DAGLB: variants seen among roughly 807,000 people sequenced by gnomAD.
DAGLB encodes diacylglycerol lipase beta.
DAGLB carries 66 observed loss-of-function variants against 72.1 expected under a neutral mutation model. The observed-to-expected ratio is 0.92, with a 90% CI of 0.75 to 1.12. DAGLB has a LOEUF of 1.12. Among genes scored for constraint, DAGLB ranks in the 50% most tolerant of loss-of-function variants. The probability of loss-of-function intolerance (pLI) is 0.00; values close to 1 mark genes in which losing one functional copy is unlikely to be tolerated. For synonymous variants in DAGLB, 414 were observed against 359.5 expected (o/e 1.15, Z -1.71); for missense variants, 1,065 against 884.9 (o/e 1.20, Z -2.58).
chr7:6,417,034 G>A, intron 9 of DAGLB, 113 bp from the exon 10 acceptor site: 1 of 1,247,900 alleles, frequency 8.0e-7, no homozygotes, highest in Admixed American at 1.9e-5. Flanking sequence ...CCTGGGATCT[G>A]AGACTGCAGA....
intron 9 of DAGLB, among the ~76,000 whole-genome samples, chr7:6,420,538 A>T (rs1312278223): frequency 1.3e-5 from 2 of 152,156 alleles, no homozygotes; most frequent in Non-Finnish European, 2.9e-5. Flanking sequence ...TATAGAGACA[A>T]AGTAGAACAG....
chr7:6,411,434 C>CAA (rs1783725169), intron 13 of DAGLB, among the ~76,000 whole-genome samples: 1 of 152,178 alleles, frequency 6.6e-6, no homozygotes. Context: ...CCAGCCTGGG[C>CAA]AACATGGTAA....
rs1783945085 is a variant in DAGLB, at chr7:6,417,152, T to A, written c.1219-231A>T. ...GGCGCACGCTTGTAATCCCAGCACT[T>A]AGGGAGGCCAAGGCAGGAGGACACT... On this transcript the variant is annotated intron_variant, in intron 9 of 14. Coordinates refer to ENST00000297056, the MANE Select transcript of DAGLB (RefSeq NM_139179.4). 9 of 500,254 alleles carry A rather than the reference T, an allele frequency of 1.8e-5. No homozygotes were observed. The East Asian group carries it at 3.4e-4, about 19-fold the overall frequency. The allele number at this position is 500,254 out of a possible 1,614,324, so 31.0% of individuals were successfully genotyped here.
chr7:6,444,267 T>C (rs1449946127), intron 2 of DAGLB, among the ~76,000 whole-genome samples: 2 of 152,076 alleles, frequency 1.3e-5, no homozygotes, highest in African/African-American at 4.8e-5. Context: ...AGCAAGACAC[T>C]GTCTCTAACA....
chr7:6,419,147 G>A (rs1583284966), intron 9 of DAGLB, among the ~76,000 whole-genome samples: 1 of 138,992 alleles, frequency 7.2e-6, no homozygotes, highest in East Asian at 2.1e-4. Context: ...TCAGCCACCT[G>A]AGTAGCTGGA....
At chr7:6,441,645 C>A (rs1434613402) in intron 2 of DAGLB, among the ~76,000 whole-genome samples, 2 of 151,214 alleles carry the variant, frequency 1.3e-5, no homozygotes, top group Non-Finnish European at 2.9e-5. Flanking sequence ...TCTTGATCTC[C>A]TGACCTCATG....
intron 5 of DAGLB, among the ~76,000 whole-genome samples, chr7:6,431,689 T>C (rs930981922): frequency 6.6e-6 from 1 of 151,872 alleles, no homozygotes; most frequent in Non-Finnish European, 1.5e-5. Context: ...GGAGAATTGC[T>C]TGAAGTCAGG....
chr7:6,427,606 T>C lies in DAGLB; in HGVS notation c.930-1492A>G, dbSNP rs78176244. On this transcript the variant is annotated intron_variant, in intron 6 of 14. Coordinates refer to ENST00000297056, the MANE Select transcript of DAGLB (RefSeq NM_139179.4). The stretch of plus-strand genomic sequence containing the variant: ...TAAAAGACAAACAAAAAAAAGATAT[T>C]AGTAAAATCTCATGATCTTTAAAAT... Among the ~76,000 whole-genome samples, 56 of 152,132 alleles carry C rather than the reference T, an allele frequency of 3.7e-4. 1 individual carries two copies. In the East Asian group the frequency reaches 7.9e-3, roughly 21 times the overall value.
intron 2 of DAGLB, 104 bp downstream of exon 2, chr7:6,445,849 C>G: frequency 7.8e-7 from 1 of 1,275,864 alleles, no homozygotes; most frequent in Non-Finnish European, 1.1e-6. Flanking sequence ...ATATTAAAAA[C>G]TGTTGAATTG....
At chr7:6,430,677 C>T (rs767133564) in intron 5 of DAGLB, 70 bp from the exon 6 acceptor site, 42 of 1,392,390 alleles carry the variant, frequency 3.0e-5, no homozygotes, top group Non-Finnish European at 3.9e-5. Flanking sequence ...CACACTGAGA[C>T]CTGAAACCTG....
intron 8 of DAGLB, among the ~76,000 whole-genome samples, chr7:6,423,230 A>T (rs999240702): frequency 1.5e-4 from 23 of 152,308 alleles, no homozygotes; most frequent in African/African-American, 5.5e-4. Context: ...ACCCTGGGCA[A>T]CAGAGCAAGA....
At chr7:6,430,409 T>G in intron 6 of DAGLB, 71 bp downstream of exon 6, 2 of 1,404,058 alleles carry the variant, frequency 1.4e-6, no homozygotes, top group Non-Finnish European at 1.9e-6. Context: ...TTCAAATTTT[T>G]GAAATATCTC....
intron 2 of DAGLB, among the ~76,000 whole-genome samples, chr7:6,436,846 C>T (rs1784673984): frequency 1.3e-5 from 2 of 151,850 alleles, no homozygotes; most frequent in Non-Finnish European, 2.9e-5. Flanking sequence ...AAAAAGGGGA[C>T]TATTAATAAT....
chr7:6,436,518 G>C lies in DAGLB; in HGVS notation c.263C>G (p.Pro88Arg). ...CTTAGACATAGACTTCCGCGGTCCA[G>C]GGTTACAAATCGTTCCTGAAATACA... ...CVSMRGTICN[P>R]GPRKSMSKLL... The change falls in exon 3 of 15, where the codon CCT (proline) becomes CGT (arginine). Residue 88 changes from proline (P) to arginine (R), a missense_variant. Pro to Arg is a moderately radical substitution (Grantham distance 103). Coordinates refer to ENST00000297056, the MANE Select transcript of DAGLB (RefSeq NM_139179.4). 1 of 1,614,074 alleles carries C rather than the reference G, an allele frequency of 6.2e-7. No homozygotes were observed. Among genetic ancestry groups the C allele is most frequent in the Non-Finnish European group, 8.5e-7 (1 of 1,180,012 alleles).
chr7:6,420,224 G>A (rs189845862), intron 9 of DAGLB, among the ~76,000 whole-genome samples: 91 of 152,106 alleles, frequency 6.0e-4, no homozygotes, highest in African/African-American at 1.9e-3. Context: ...GGTGGATCAC[G>A]AGGTCAAGAG....
At chr7:6,436,646 C>G in intron 2 of DAGLB, 113 bp from the exon 3 acceptor site, 1 of 1,327,920 alleles carries the variant, frequency 7.5e-7, no homozygotes, top group South Asian at 1.4e-5. Context: ...GCACACCCGC[C>G]TCCTGACTTT....
At chr7:6,444,033 G>C (rs372486842) in intron 2 of DAGLB, among the ~76,000 whole-genome samples, 1 of 152,148 alleles carries the variant, frequency 6.6e-6, no homozygotes, top group African/African-American at 2.4e-5. Context: ...TTGGGAGACC[G>C]AGACGAGAGG....
At chr7:6,434,664 G>C in intron 4 of DAGLB, 98 bp downstream of exon 4, 2 of 1,561,572 alleles carry the variant, frequency 1.3e-6, no homozygotes, top group South Asian at 2.4e-5. Context: ...AAGACACCAG[G>C]TTCTCAAACG....
At chr7:6,447,641 G>A in intron 1 of DAGLB, 107 bp downstream of exon 1, 1 of 1,432,304 alleles carries the variant, frequency 7.0e-7, no homozygotes, top group African/African-American at 1.4e-5. Context: ...CCAGCGCTGG[G>A]ACCGCGACAG....
Sources: allele counts gnomAD v4.1 joint callset (sites outside exome capture counted in the v4.1 genomes callset), GRCh38; gene constraint gnomAD v4.1.1; transcripts MANE v1.5; gene names NCBI Gene and HGNC (gene_info 2026-07-23, HGNC 2026-07-21).